The following TMPRSS15 variants were observed in gnomAD, a reference collection of about 807,000 sequenced individuals.
TMPRSS15 encodes the protein transmembrane serine protease 15, also known as enteropeptidase.
In TMPRSS15, 128 loss-of-function variants were observed where a neutral mutation model predicts 125.3. The observed-to-expected ratio is 1.02, with a 90% CI of 0.89 to 1.18. TMPRSS15 has a LOEUF of 1.18. TMPRSS15 is among the 50% of genes most tolerant of loss of function. The pLI, the probability that TMPRSS15 is intolerant of heterozygous loss-of-function variation, is 0.00. For missense variants in TMPRSS15, 1,283 were observed against 1,212.7 expected, an observed-to-expected ratio of 1.06 and a Z score of -0.86; for synonymous variants, 446 against 423.2, an observed-to-expected ratio of 1.05 and a Z score of -0.66.
chr21:18,352,941 G>A lies in TMPRSS15; in HGVS notation c.1133C>T (p.Thr378Ile). ...RIQGSTFSPF[T>I]GPNFDHTFGN... ...AAAAGTGTGGTCAAAATTGGGTCCAGTAAAAGGAGAAAAGGTGCTTCCCTG... is the reference window on the plus strand; with the variant it reads ...AAAAGTGTGGTCAAAATTGGGTCCAATAAAAGGAGAAAAGGTGCTTCCCTG... The change falls in exon 10 of 25, where the codon ACT (threonine) becomes ATT (isoleucine). Residue 378 changes from threonine (T) to isoleucine (I), a missense_variant. Thr to Ile is a moderately conservative substitution (Grantham distance 89). Transcript: ENST00000284885. The A allele has an allele frequency of 1.2e-6, 2 of 1,612,300 alleles. No homozygotes were observed. Among genetic ancestry groups the A allele is most frequent in the Non-Finnish European group, 1.7e-6 (2 of 1,178,846 alleles).
chr21:18,337,762 T>C (rs970175193), intron 13 of TMPRSS15, among the ~76,000 whole-genome samples: 2 of 152,182 alleles, frequency 1.3e-5, no homozygotes, highest in Non-Finnish European at 2.9e-5. Flanking sequence ...TATTAGCCAG[T>C]CAGCCATGGT....
At chr21:18,404,426 C>T (rs73893095), upstream of TMPRSS15, among the ~76,000 whole-genome samples, 457 of 152,090 alleles carry the variant, frequency 3.0e-3, 1 homozygote, top group African/African-American at 0.011. Context: ...TGCTCACTTG[C>T]CCTGGACTTT....
chr21:18,483,766 C>CA (rs1248738151), intron 1 of TMPRSS15, among the ~76,000 whole-genome samples: 2 of 151,780 alleles, frequency 1.3e-5, no homozygotes, highest in African/African-American at 4.8e-5. Flanking sequence ...AGCATTTATA[C>CA]AAAAAATGCA....
At chr21:18,349,303 T>A (rs1601372614) in intron 10 of TMPRSS15, among the ~76,000 whole-genome samples, 1 of 152,236 alleles carries the variant, frequency 6.6e-6, no homozygotes, top group Admixed American at 6.5e-5. Flanking sequence ...CTTGACCAAT[T>A]CCTTTTGCTT....
At chr21:18,288,231 T>C (rs986771282) in intron 21 of TMPRSS15, among the ~76,000 whole-genome samples, 2 of 152,178 alleles carry the variant, frequency 1.3e-5, no homozygotes, top group African/African-American at 4.8e-5. Context: ...ACAACTCACA[T>C]GCAGAAAGAC....
intron 1 of TMPRSS15, among the ~76,000 whole-genome samples, chr21:18,433,686 A>AAAAAAAAAAAAAAAAAAAT (rs1555912318): frequency 6.6e-6 from 1 of 150,756 alleles, no homozygotes; most frequent in Non-Finnish European, 1.5e-5. Flanking sequence ...AAAAAAAAAA[A>AAAAAAAAAAAAAAAAAAAT]GAAAATAACA....
intron 18 of TMPRSS15, among the ~76,000 whole-genome samples, chr21:18,305,288 A>T (rs1418628674): frequency 2.1e-5 from 3 of 141,542 alleles, no homozygotes; most frequent in Admixed American, 1.6e-4. Flanking sequence ...TCCCGGGTTC[A>T]CGCCATTCTC....
chr21:18,341,565 C>A lies in TMPRSS15; in HGVS notation c.1429-17G>T, dbSNP rs765810638. ...AAAAGCAACCTGCAATTCAGAGAGG[C>A]ATATGAAACGATTTGATTCCATTCT... On this transcript the variant is annotated splice_polypyrimidine_tract_variant and intron_variant, in intron 12 of 24. Coordinates refer to ENST00000284885, the MANE Select transcript of TMPRSS15 (RefSeq NM_002772.3). The A allele has an allele frequency of 8.7e-6, 14 of 1,613,664 alleles. No individual in the cohort carries two copies. Among genetic ancestry groups the A allele is most frequent in the Admixed American group, 5.0e-5 (3 of 60,024 alleles).
intron 1 of TMPRSS15, among the ~76,000 whole-genome samples, chr21:18,467,134 T>C (rs771484337): frequency 6.6e-6 from 1 of 152,074 alleles, no homozygotes; most frequent in Non-Finnish European, 1.5e-5. Flanking sequence ...CTGGAAACCA[T>C]CATTCTCAGC....
intron 21 of TMPRSS15, among the ~76,000 whole-genome samples, chr21:18,293,983 AT>A (rs1326975812): frequency 6.6e-6 from 1 of 152,234 alleles, no homozygotes; most frequent in African/African-American, 2.4e-5. Flanking sequence ...TACCTTTTGA[AT>A]TGGCAAAAGT....
At chr21:18,442,441 C>G (rs193287781) in intron 1 of TMPRSS15, among the ~76,000 whole-genome samples, 80 of 152,250 alleles carry the variant, frequency 5.3e-4, no homozygotes, top group Non-Finnish European at 8.8e-4. Context: ...TTCACTCTTG[C>G]AAACTTTTGC....
At position 18,341,484 on chromosome 21, in the gene TMPRSS15, GT is replaced by G. The variant is rs775202094; in HGVS notation, c.1492del (p.Thr498HisfsTer59). On this transcript the variant is annotated frameshift_variant, in exon 13 of 25. Transcript: ENST00000284885. LOFTEE classifies it high-confidence loss of function. Reference protein sequence around the residue: ...SDIALDDISLTYGICNGSLYP... With the variant: ...SDIALDDISLXYGICNGSLYP... ...AAGACTCCCATTGCAAATCCCATAT[GT>G]TAGGCTAATGTCATCCAACGCAATA... The G allele has an allele frequency of 5.2e-5, 84 of 1,613,980 alleles. No homozygotes were observed. The highest frequency in any genetic ancestry group is 6.9e-5 in the Non-Finnish European group (81 of 1,179,974).
chr21:18,365,285 A>G lies in TMPRSS15; in HGVS notation c.665-37T>C, dbSNP rs370443832. 1.6e-5 allele frequency: 24 copies of G among 1,521,612 alleles called. No individual in the cohort carries two copies. The African/African-American group carries it at 2.7e-4, about 17-fold the overall frequency. The allele number at this position is 1,521,612 out of a possible 1,614,324, so 94.3% of individuals were successfully genotyped here. ...TGCCAATTAATGTTAGACAAAAACA[A>G]TCTTGGGATTCAAATTGGCTGCAAA... On this transcript the variant is annotated intron_variant, in intron 6 of 24. Transcript: ENST00000284885.
chr21:18,462,284 T>C (rs1284222394), intron 1 of TMPRSS15, among the ~76,000 whole-genome samples: 1 of 152,080 alleles, frequency 6.6e-6, no homozygotes, highest in Non-Finnish European at 1.5e-5. Flanking sequence ...GAAAACACAA[T>C]GTGGTAAATT....
chr21:18,361,386 T>A (rs1214160982), intron 7 of TMPRSS15, among the ~76,000 whole-genome samples: 6 of 152,104 alleles, frequency 3.9e-5, no homozygotes, highest in Non-Finnish European at 8.8e-5. Context: ...TGAGTTTGGC[T>A]AGATCATCTG....
intron 3 of TMPRSS15, among the ~76,000 whole-genome samples, chr21:18,396,084 G>A (rs529235844): frequency 6.6e-6 from 1 of 152,200 alleles, no homozygotes; most frequent in East Asian, 1.9e-4. Flanking sequence ...AAAGAATATT[G>A]CCATCAGTCT....
Position 18,281,061 on chromosome 21 carries a change from C to G in TMPRSS15, c.2647G>C (p.Glu883Gln), listed in dbSNP as rs375957234. Residue 883 changes from glutamate to glutamine, a missense_variant, in exon 22 of 25, where the codon GAA becomes CAA. Transcript: ENST00000284885. ...TTACCTGTGTAATTCACTTTAAATT[C>G]CAGATGCATCATGGCAATGTCGTTG... ...KDNDIAMMHLEFKVNYTDYIQ... is the reference protein window; with the variant it reads ...KDNDIAMMHLQFKVNYTDYIQ... 5 of 1,613,476 alleles carry G rather than the reference C, an allele frequency of 3.1e-6. No individual in the cohort carries two copies. The African/African-American group carries it at 5.3e-5, about 17-fold the overall frequency.
intron 23 of TMPRSS15, among the ~76,000 whole-genome samples, chr21:18,276,095 A>T (rs1428292845): frequency 6.6e-6 from 1 of 152,240 alleles, no homozygotes; most frequent in Non-Finnish European, 1.5e-5. Flanking sequence ...AAGAGAAGTT[A>T]GTACATTTGA....
intron 1 of TMPRSS15, among the ~76,000 whole-genome samples, chr21:18,400,196 C>T (rs1275588138): frequency 6.6e-6 from 1 of 152,000 alleles, no homozygotes; most frequent in Non-Finnish European, 1.5e-5. Flanking sequence ...AACTATCAAA[C>T]TCATTTTTCA....
Sources: allele counts gnomAD v4.1 joint callset (sites outside exome capture counted in the v4.1 genomes callset), GRCh38; gene constraint gnomAD v4.1.1; transcripts MANE v1.5; gene names NCBI Gene and HGNC (gene_info 2026-07-23, HGNC 2026-07-21).